The following STK31 variants were observed in gnomAD, a reference collection of about 807,000 sequenced individuals.
STK31 encodes serine/threonine-protein kinase 31.
A neutral mutation model predicts 129.7 loss-of-function variants in STK31; 89 were observed. The observed-to-expected ratio is 0.69, with a 90% CI of 0.58 to 0.82. STK31 has a LOEUF of 0.82. Among genes scored for constraint, STK31 ranks in the 40% least tolerant of loss-of-function variants. The pLI, the probability that STK31 is intolerant of heterozygous loss-of-function variation, is 0.00. For synonymous variants in STK31, 448 were observed against 395.3 expected, an observed-to-expected ratio of 1.13 and a Z score of -1.58; for missense variants, 1,187 against 1,176.4, an observed-to-expected ratio of 1.01 and a Z score of -0.13.
chr7:23,804,996 T>C (rs1017844865), intron 22 of STK31, among the ~76,000 whole-genome samples: 1 of 152,236 alleles, frequency 6.6e-6, no homozygotes, highest in Admixed American at 6.5e-5. Context: ...TTCTTCTGTT[T>C]AGTCTTTTTG....
chr7:23,790,938 T>A lies in STK31; in HGVS notation c.2752T>A (p.Leu918Ile). ...AGACTTATATGCTTATGGCTGCCTC[T>A]TATTATGGGTATGTTATTTTTTTGT... ...GSDLYAYGCL[L>I]LWLSVQNQEF... Residue 918 changes from leucine to isoleucine, a missense_variant, in exon 22 of 24, where the codon TTA becomes ATA. By Grantham distance (5) the Leu-to-Ile change is conservative (BLOSUM62 2). Around this residue, in one of 5 missense-constraint regions of STK31, gnomAD observed 975 missense variants for 934.9 expected, o/e 1.04. Coordinates refer to ENST00000355870, the MANE Select transcript of STK31 (RefSeq NM_031414.5). 1 of 1,560,996 alleles carries A rather than the reference T, an allele frequency of 6.4e-7. No homozygotes were observed. Among genetic ancestry groups the A allele is most frequent in the South Asian group, 1.3e-5 (1 of 79,964 alleles).
chr7:23,815,744 C>A (rs911090752), intron 23 of STK31, among the ~76,000 whole-genome samples: 1 of 152,038 alleles, frequency 6.6e-6, no homozygotes, highest in Non-Finnish European at 1.5e-5. Context: ...TTGATTATTA[C>A]ACATCATATG....
At chr7:23,740,647 C>T (rs1027808518) in intron 8 of STK31, among the ~76,000 whole-genome samples, 1 of 105,050 alleles carries the variant, frequency 9.5e-6, no homozygotes, top group Non-Finnish European at 2.3e-5. Context: ...CTTCACCACT[C>T]CCCCCACCCC....
intron 4 of STK31, among the ~76,000 whole-genome samples, chr7:23,724,739 T>G (rs1343467523): frequency 6.6e-6 from 1 of 152,248 alleles, no homozygotes; most frequent in Admixed American, 6.5e-5. Context: ...ACCGTACTAT[T>G]ACTGCTCTCT....
chr7:23,730,224 T>C (rs1057319402), intron 6 of STK31, among the ~76,000 whole-genome samples: 3 of 152,048 alleles, frequency 2.0e-5, no homozygotes, highest in Non-Finnish European at 2.9e-5. Flanking sequence ...TAATTCTTAT[T>C]TATAATAGCA....
rs572003338 is a variant in STK31 at position 23,771,048 on chromosome 7, G to A, written c.1757G>A (p.Ser586Asn). Residue 586 changes from serine (S) to asparagine (N), a missense_variant, in exon 14 of 24, where the codon AGT becomes AAT. By Grantham distance (46) the Ser-to-Asn change is conservative (BLOSUM62 1). Coordinates refer to ENST00000355870, the MANE Select transcript of STK31 (RefSeq NM_031414.5). Reference sequence around the variant, plus strand: ...AAGGAGATAATTTCAAATACATATAGTCAAGTACTGCAAAAGATTCATTCA... The same window carrying A: ...AAGGAGATAATTTCAAATACATATAATCAAGTACTGCAAAAGATTCATTCA... Reference protein sequence around the residue: ...ADKEIISNTYSQVLQKIHSEE... With the variant: ...ADKEIISNTYNQVLQKIHSEE... The A allele has an allele frequency of 3.7e-6, 6 of 1,612,588 alleles. No individual in the cohort carries two copies. Among genetic ancestry groups the A allele is most frequent in the South Asian group, 2.2e-5 (2 of 90,980 alleles).
intron 23 of STK31, among the ~76,000 whole-genome samples, chr7:23,823,492 TA>T (rs1263718962): frequency 2.0e-5 from 3 of 152,212 alleles, no homozygotes; most frequent in Non-Finnish European, 4.4e-5. Context: ...AGATTCTGGA[TA>T]TTAGCCCTTT....
At chr7:23,812,298 A>G (rs546894442) in intron 22 of STK31, among the ~76,000 whole-genome samples, 31 of 151,236 alleles carry the variant, frequency 2.0e-4, no homozygotes, top group Non-Finnish European at 4.3e-4. Flanking sequence ...TCATATGATA[A>G]ACGTTTATCA....
Position 23,790,888 on chromosome 7 carries a change from T to C in STK31, c.2702T>C (p.Met901Thr), listed in dbSNP as rs1407451189. 3 of 1,609,080 alleles carry C rather than the reference T, an allele frequency of 1.9e-6. No individual in the cohort carries two copies. In the East Asian group the frequency reaches 6.7e-5, roughly 36 times the overall value. ...AGTTTGATGTCACCTGAGTTGAAAA[T>C]GGGAAAACCTGCTTCTCCAGGTTCA... ...DLSLMSPELK[M>T]GKPASPGSDL... is the part of the protein sequence containing the mutation. The change falls in exon 22 of 24, where the codon ATG (methionine) becomes ACG (threonine). Residue 901 changes from methionine to threonine, a missense_variant. Transcript: ENST00000355870.
intron 10 of STK31, among the ~76,000 whole-genome samples, chr7:23,761,425 T>C (rs1348796655): frequency 9.1e-5 from 4 of 43,728 alleles, no homozygotes; most frequent in South Asian, 9.3e-4. Flanking sequence ...GCCATATGCT[T>C]TTTTTTTTTT....
At chr7:23,769,216 A>G in intron 12 of STK31, 42 bp downstream of exon 12, 2 of 1,475,650 alleles carry the variant, frequency 1.4e-6, no homozygotes, top group Non-Finnish European at 1.8e-6. Context: ...AGCATAAACC[A>G]GGGAATATAT....
At chr7:23,778,354 C>A (rs1562594413) in intron 15 of STK31, among the ~76,000 whole-genome samples, 1 of 152,028 alleles carries the variant, frequency 6.6e-6, no homozygotes. Context: ...TTGGTGTTCT[C>A]TGTATTTCCT....
intron 22 of STK31, among the ~76,000 whole-genome samples, chr7:23,792,347 A>T (rs999713344): frequency 1.9e-4 from 29 of 152,320 alleles, no homozygotes; most frequent in Admixed American, 3.9e-4. Flanking sequence ...GGAAATTAAA[A>T]TTTAAAAATC....
intron 6 of STK31, among the ~76,000 whole-genome samples, chr7:23,730,879 T>TATATATA (rs1491380351): frequency 1.8e-4 from 7 of 39,326 alleles, no homozygotes; most frequent in African/African-American, 3.7e-4. Flanking sequence ...TATATATATA[T>TATATATA]TTTTTTTTTT....
chr7:23,772,002 C>A, intron 14 of STK31, 145 bp from the exon 15 acceptor site: 1 of 521,292 alleles, frequency 1.9e-6, no homozygotes, highest in Non-Finnish European at 3.2e-6. Flanking sequence ...ATTGAATTGT[C>A]TTGTTGAAAA....
chr7:23,814,980 C>T (rs1793382379), intron 22 of STK31, among the ~76,000 whole-genome samples, 164 bp from the exon 23 acceptor site: 1 of 152,092 alleles, frequency 6.6e-6, no homozygotes, highest in Non-Finnish European at 1.5e-5. Flanking sequence ...CATTTGGTTG[C>T]TTGTAATTAG....
chr7:23,830,282 A>G (rs1055450239), intron 23 of STK31, among the ~76,000 whole-genome samples: 2 of 151,176 alleles, frequency 1.3e-5, no homozygotes, highest in African/African-American at 4.9e-5. Flanking sequence ...TTTTTAGTGT[A>G]TTTCACTTAG....
At chr7:23,810,856 AAATATATATTATATATAAATATGTAT>A (rs1235682265) in intron 22 of STK31, among the ~76,000 whole-genome samples, 13 of 141,642 alleles carry the variant, frequency 9.2e-5, no homozygotes, top group Non-Finnish European at 1.8e-4. Flanking sequence ...AAATATGTAT[AAATATATATTATATATAAATATGTAT>A]AATATATATT....
chr7:23,791,238 A>G, intron 22 of STK31: 1 of 983,122 alleles, frequency 1.0e-6, no homozygotes, highest in Non-Finnish European at 1.2e-6. Flanking sequence ...CATATATGGA[A>G]AATAAATGTT....
Sources: gnomAD v4.1 joint callset for allele counts (sites outside exome capture counted in the v4.1 genomes callset) on GRCh38, gnomAD v4.1.1 for gene constraint, gnomAD v4.1.1 regional missense constraint, MANE v1.5 for transcripts, NCBI Gene and HGNC (gene_info 2026-07-23, HGNC 2026-07-21) for gene names.